The following PRELID2 variants were observed in gnomAD, a reference collection of about 807,000 sequenced individuals.
PRELID2 encodes the protein PRELI domain-containing protein 2.
PRELID2 carries 25 observed loss-of-function variants against 28.4 expected under a neutral mutation model. That is an observed-to-expected ratio of 0.88 (90% confidence interval 0.64 to 1.23). The LOEUF (loss-of-function observed/expected upper bound fraction) is 1.23, where lower values mean the gene tolerates loss of function less well. Among genes scored for constraint, PRELID2 ranks in the 50% most tolerant of loss-of-function variants. The probability of loss-of-function intolerance (pLI) is 0.00; values close to 1 mark genes in which losing one functional copy is unlikely to be tolerated. For missense variants in PRELID2, 201 were observed against 214.4 expected (o/e 0.94, Z 0.39); for synonymous variants, 76 against 71.6 (o/e 1.06, Z -0.31).
chr5:145,433,265 G>A, the PRELID2 span, among the ~76,000 whole-genome samples: 1 of 152,296 alleles, frequency 6.6e-6, no homozygotes, highest in Admixed American at 6.5e-5. Context: ...GCCAGAGGGT[G>A]AGCACATGAC....
At chr5:145,654,420 A>C (rs1162052254) in intron 1 of PRELID2, among the ~76,000 whole-genome samples, 1 of 152,170 alleles carries the variant, frequency 6.6e-6, no homozygotes, top group Non-Finnish European at 1.5e-5. Context: ...CATCCTGATA[A>C]CAAAACCTGA....
chr5:145,516,275 T>C (rs1752516404), intron 1 of PRELID2, among the ~76,000 whole-genome samples: 2 of 152,192 alleles, frequency 1.3e-5, no homozygotes, highest in South Asian at 4.1e-4. Flanking sequence ...CTCAAGCTGA[T>C]AAGCAAATTC....
the PRELID2 span, among the ~76,000 whole-genome samples, chr5:145,420,086 C>G: frequency 6.6e-6 from 1 of 152,030 alleles, no homozygotes; most frequent in African/African-American, 2.4e-5. Context: ...TTCCATTGAT[C>G]TATATCTCTG....
chr5:145,264,514 T>G, the PRELID2 span, among the ~76,000 whole-genome samples: 2 of 151,974 alleles, frequency 1.3e-5, no homozygotes, highest in African/African-American at 2.4e-5. Context: ...AAGCCAACTA[T>G]GACAAACCCA....
chr5:145,617,313 G>A (rs1164508796), intron 1 of PRELID2, among the ~76,000 whole-genome samples: 1 of 152,302 alleles, frequency 6.6e-6, no homozygotes, highest in East Asian at 1.9e-4. Flanking sequence ...AGTATTGACT[G>A]GGGAAGTGGT....
At chr5:145,353,814 C>T in the PRELID2 span, among the ~76,000 whole-genome samples, 1 of 152,188 alleles carries the variant, frequency 6.6e-6, no homozygotes. Flanking sequence ...TGAATGGGGA[C>T]ACAGGCAAAC....
the PRELID2 span, among the ~76,000 whole-genome samples, chr5:145,423,804 G>C: frequency 1.5e-5 from 2 of 132,782 alleles, no homozygotes; most frequent in Non-Finnish European, 3.3e-5. Flanking sequence ...TGGAGGAGGA[G>C]AGGCGCTCTG....
the PRELID2 span, among the ~76,000 whole-genome samples, chr5:145,449,726 T>C: frequency 1.3e-5 from 2 of 152,102 alleles, no homozygotes; most frequent in Non-Finnish European, 2.9e-5. Flanking sequence ...AGTCTATTCC[T>C]GCTCCATACT....
the PRELID2 span, among the ~76,000 whole-genome samples, chr5:145,452,227 C>T: frequency 1.3e-5 from 2 of 152,166 alleles, no homozygotes; most frequent in Non-Finnish European, 2.9e-5. Flanking sequence ...CTGTTGAAAT[C>T]CCTCAATGAC....
At chr5:145,702,012 T>C (rs1755418926) in intron 1 of PRELID2, among the ~76,000 whole-genome samples, 1 of 151,880 alleles carries the variant, frequency 6.6e-6, no homozygotes, top group Non-Finnish European at 1.5e-5. Context: ...GATCATGCCA[T>C]TGCACTCCAG....
At chr5:145,255,498 G>C in the PRELID2 span, among the ~76,000 whole-genome samples, 1 of 152,112 alleles carries the variant, frequency 6.6e-6, no homozygotes, top group Non-Finnish European at 1.5e-5. Flanking sequence ...TATTGGCTCG[G>C]TGCAGTGGCT....
At chr5:145,554,914 G>A (rs1752866993) in intron 1 of PRELID2, among the ~76,000 whole-genome samples, 1 of 152,110 alleles carries the variant, frequency 6.6e-6, no homozygotes, top group South Asian at 2.1e-4. Flanking sequence ...AAGAGTTTTA[G>A]GCAATTCAAG....
intron 1 of PRELID2, among the ~76,000 whole-genome samples, chr5:145,511,438 T>A (rs1032544046): frequency 6.6e-6 from 1 of 152,222 alleles, no homozygotes; most frequent in African/African-American, 2.4e-5. Flanking sequence ...AAATACCTTC[T>A]TCGTGACTGA....
chr5:145,765,572 G>T (rs146902171), intron 5 of PRELID2, among the ~76,000 whole-genome samples: 108 of 152,260 alleles, frequency 7.1e-4, no homozygotes, highest in African/African-American at 2.5e-3. Context: ...GGTATGTACA[G>T]CGGTATAAAG....
the PRELID2 span, among the ~76,000 whole-genome samples, chr5:145,326,123 T>A: frequency 6.6e-6 from 1 of 152,102 alleles, no homozygotes; most frequent in Non-Finnish European, 1.5e-5. Flanking sequence ...TCCTCCCATC[T>A]CAGCCTAAGT....
chr5:145,812,018 CATCCCCAGCTCCAAGGGCAGATCT>C (rs1753980284), intron 4 of PRELID2, among the ~76,000 whole-genome samples: 1 of 152,190 alleles, frequency 6.6e-6, no homozygotes, highest in Non-Finnish European at 1.5e-5. Context: ...GAGATGACCT[CATCCCCAGCTCCAAGGGCAGATCT>C]TGACTGGATC....
chr5:145,290,520 T>C, the PRELID2 span, among the ~76,000 whole-genome samples: 1 of 148,298 alleles, frequency 6.7e-6, no homozygotes, highest in Non-Finnish European at 1.5e-5. Flanking sequence ...AAACACCACA[T>C]GTTCTCACTC....
At chr5:145,581,402 G>A (rs2149624914) in intron 1 of PRELID2, among the ~76,000 whole-genome samples, 1 of 152,188 alleles carries the variant, frequency 6.6e-6, no homozygotes, top group Admixed American at 6.6e-5. Context: ...AGACATGCAA[G>A]GATATATGTG....
chr5:145,753,481 T>C (rs1481801323), downstream of PRELID2, among the ~76,000 whole-genome samples: 1 of 152,214 alleles, frequency 6.6e-6, no homozygotes, highest in Non-Finnish European at 1.5e-5. Context: ...GAGGCACTTT[T>C]TTCTAGGACA....
Sources: gnomAD v4.1 joint callset for allele counts (sites outside exome capture counted in the v4.1 genomes callset) on GRCh38, gnomAD v4.1.1 for gene constraint, MANE v1.5 for transcripts, NCBI Gene and HGNC (gene_info 2026-07-23, HGNC 2026-07-21) for gene names.